ANO2: variants seen among roughly 807,000 people sequenced by gnomAD.
ANO2 encodes anoctamin 2.
In ANO2, 101 loss-of-function variants were observed where a neutral mutation model predicts 124.2. That is an observed-to-expected ratio of 0.81 (90% CI 0.69 to 0.96). The LOEUF (loss-of-function observed/expected upper bound fraction) is 0.96, where lower values mean the gene tolerates loss of function less well. Ranked by LOEUF, ANO2 falls within the 40% of genes least tolerant of loss-of-function variation. The probability of loss-of-function intolerance (pLI) is 0.00; values close to 1 mark genes in which losing one functional copy is unlikely to be tolerated. For synonymous variants in ANO2, 486 were observed against 482.5 expected (o/e 1.01, Z -0.09); for missense variants, 1,293 against 1,274.5 (o/e 1.01, Z -0.22).
rs1319682300 is a variant in ANO2 at position 5,900,225 on chromosome 12, A to T, written c.534+20815T>A. 6.6e-6 allele frequency among the ~76,000 whole-genome samples: 1 copy of T among 152,154 alleles called. No individual in the cohort carries two copies. The highest frequency in any genetic ancestry group is 1.5e-5 in the Non-Finnish European group (1 of 68,032). Reference sequence around the variant, plus strand: ...AAGAGCCCTGAGAGGATGGAGAGGCACCACTATGCCCAGCTTCATCTTCTA... The same window carrying T: ...AAGAGCCCTGAGAGGATGGAGAGGCTCCACTATGCCCAGCTTCATCTTCTA... On this transcript the variant is annotated intron_variant, in intron 3 of 24. Transcript: ENST00000682330. This position sits in a 1 kb window ranked among gnomAD's most constrained non-coding sequence, Gnocchi z 4.2.
At chr12:5,834,741 T>C (rs1432495957) in intron 4 of ANO2, among the ~76,000 whole-genome samples, 4 of 152,244 alleles carry the variant, frequency 2.6e-5, no homozygotes, top group Non-Finnish European at 5.9e-5. Context: ...CATTAAAGTA[T>C]ATTAACTAAA....
intron 7 of ANO2, among the ~76,000 whole-genome samples, chr12:5,820,488 C>G (rs1165736700): frequency 6.6e-6 from 1 of 152,108 alleles, no homozygotes; most frequent in Non-Finnish European, 1.5e-5. Context: ...TGGTCATTTC[C>G]CCAGTGCCAG....
At chr12:5,744,351 G>GGGGCCTTTATGGATGTGCATGAGCTCCA in intron 11 of ANO2, 34 bp from the exon 12 acceptor site, 4 of 1,612,158 alleles carry the variant, frequency 2.5e-6, no homozygotes, top group Non-Finnish European at 3.4e-6. Flanking sequence ...GTCAGGTGGA[G>GGGGCCTTTATGGATGTGCATGAGCTCCA]CTCAAGCATG....
At chr12:5,700,164 T>C (rs1949346122) in intron 14 of ANO2, among the ~76,000 whole-genome samples, 2 of 152,192 alleles carry the variant, frequency 1.3e-5, no homozygotes, top group East Asian at 3.9e-4. Context: ...ATTGTACTTA[T>C]TCCAAAATTG....
At chr12:5,770,843 T>C (rs1952056662) in intron 10 of ANO2, among the ~76,000 whole-genome samples, 1 of 152,088 alleles carries the variant, frequency 6.6e-6, no homozygotes, top group African/African-American at 2.4e-5. Flanking sequence ...CACCTTACCA[T>C]TCCTCAGACA....
At chr12:5,669,032 C>T (rs1309548669) in intron 14 of ANO2, among the ~76,000 whole-genome samples, 1 of 151,248 alleles carries the variant, frequency 6.6e-6, no homozygotes, top group Non-Finnish European at 1.5e-5. Context: ...TATACAAGCT[C>T]TTTTTTTAGT....
At position 5,772,539 on chromosome 12, in the gene ANO2, T is replaced by G. The variant is rs562378566; in HGVS notation, c.1056-21569A>C. Among the ~76,000 whole-genome samples, 101 of 152,366 alleles carry G rather than the reference T, an allele frequency of 6.6e-4. No individual in the cohort carries two copies. In the Middle Eastern group the frequency reaches 0.01, roughly 15 times the overall value. Reference sequence around the variant, plus strand: ...TTTTGTCTAATTTTTCGCTGTAATATGATGATAAATTTTAATCTAAGTTTT... The same window carrying G: ...TTTTGTCTAATTTTTCGCTGTAATAGGATGATAAATTTTAATCTAAGTTTT... On this transcript the variant is annotated intron_variant, in intron 10 of 24. Transcript: ENST00000682330.
intron 14 of ANO2, among the ~76,000 whole-genome samples, chr12:5,708,479 C>G (rs528484990): frequency 6.6e-5 from 10 of 152,342 alleles, no homozygotes; most frequent in African/African-American, 2.2e-4. Flanking sequence ...ACACTTCCTT[C>G]TACCATGAAG....
chr12:5,919,737 A>C (rs943588158), intron 3 of ANO2, among the ~76,000 whole-genome samples: 2 of 151,844 alleles, frequency 1.3e-5, no homozygotes, highest in Non-Finnish European at 2.9e-5. Flanking sequence ...TCGCTCTGTC[A>C]CGCAGGCTGG....
chr12:5,678,458 C>T (rs534119360), intron 14 of ANO2, among the ~76,000 whole-genome samples: 8 of 152,246 alleles, frequency 5.3e-5, no homozygotes, highest in South Asian at 2.1e-4. Context: ...GCCAAATTCT[C>T]GGCCTTCTCT....
intron 10 of ANO2, among the ~76,000 whole-genome samples, chr12:5,768,772 G>A (rs1292811816): frequency 6.6e-6 from 1 of 152,124 alleles, no homozygotes; most frequent in Non-Finnish European, 1.5e-5. Flanking sequence ...CCAACAGCAG[G>A]ACCCTGGCTG....
intron 1 of ANO2, among the ~76,000 whole-genome samples, chr12:5,942,413 A>G (rs1055545263): frequency 5.9e-5 from 9 of 152,256 alleles, no homozygotes; most frequent in African/African-American, 1.9e-4. Context: ...TATGTTGGGC[A>G]ATGTCTTACA....
chr12:5,832,481 G>A lies in ANO2; in HGVS notation c.756C>T (p.Ser252=), dbSNP rs574098516. 1 of 1,613,994 alleles carries A rather than the reference G, an allele frequency of 6.2e-7. No homozygotes were observed. The highest frequency in any genetic ancestry group is 1.3e-5 in the African/African-American group (1 of 75,042). Reference sequence around the variant, plus strand: ...ACATCTTCTCCCTGGAGAATGGGTAGGAGAGGTTTTTCATCTTGTTGTTGC... The same window carrying A: ...ACATCTTCTCCCTGGAGAATGGGTAAGAGAGGTTTTTCATCTTGTTGTTGC... The part of the protein sequence containing the change: ...EHSNNKMKNL[S]YPFSREKMYL... Residue 252 remains serine, a synonymous_variant, in exon 5 of 25, where the codon TCC becomes TCT. Coordinates refer to ENST00000682330, the MANE Select transcript of ANO2 (RefSeq NM_001364791.2).
In ANO2 at chr12:5,563,519, A is replaced by T; in HGVS notation, c.2777T>A (p.Ile926Asn). The T allele has an allele frequency of 6.2e-7, 1 of 1,613,920 alleles. No homozygotes were observed. The highest frequency in any genetic ancestry group is 8.5e-7 in the Non-Finnish European group (1 of 1,179,882). Reference protein sequence around the residue: ...SVLVDWMIPDIPTDISDQIKK... With the variant: ...SVLVDWMIPDNPTDISDQIKK... ...GATCTGGTCGCTGATGTCCGTGGGG[A>T]TGTCTGGAATCATCCAGTCCACGAG... Residue 926 changes from isoleucine to asparagine, a missense_variant, in exon 25 of 25, where the codon ATC (isoleucine) becomes AAC (asparagine). Physicochemically the swap from Ile to Asn is moderately radical, Grantham distance 149. Coordinates refer to ENST00000682330, the MANE Select transcript of ANO2 (RefSeq NM_001364791.2).
At chr12:5,796,660 TCA>T (rs1293728570) in intron 10 of ANO2, among the ~76,000 whole-genome samples, 1 of 152,172 alleles carries the variant, frequency 6.6e-6, no homozygotes, top group Non-Finnish European at 1.5e-5. Context: ...ATCAGCAGTC[TCA>T]CAGTGCAGCC....
At chr12:5,867,456 T>G (rs977368572) in intron 3 of ANO2, among the ~76,000 whole-genome samples, 1 of 152,210 alleles carries the variant, frequency 6.6e-6, no homozygotes, top group Non-Finnish European at 1.5e-5. Context: ...CATGCTTCGA[T>G]GTACTAGAAA....
Position 5,904,565 on chromosome 12 carries a change from G to A in ANO2, c.534+16475C>T, listed in dbSNP as rs949505473. On this transcript the variant is annotated intron_variant, in intron 3 of 24. Transcript: ENST00000682330. The surrounding 1 kb of genome is among the most constrained non-coding windows in gnomAD (Gnocchi z 4.1). ...GTTTATCCCAGTACTGCTTCCGGGG[G>A]CAGCTGACACTCCACATCGTCCTGT... Among the ~76,000 whole-genome samples the A allele has an allele frequency of 6.6e-6, 1 of 152,184 alleles. No individual in the cohort carries two copies. Among genetic ancestry groups the A allele is most frequent in the African/African-American group, 2.4e-5 (1 of 41,450 alleles).
At chr12:5,799,366 A>T (rs1189911917) in intron 10 of ANO2, 141 bp downstream of exon 10, 4 of 740,214 alleles carry the variant, frequency 5.4e-6, no homozygotes, top group Non-Finnish European at 8.9e-6. Context: ...CACCCATGAG[A>T]CACAGAGGAG....
At chr12:5,643,986 G>C (rs946181147) in intron 15 of ANO2, among the ~76,000 whole-genome samples, 5 of 152,096 alleles carry the variant, frequency 3.3e-5, no homozygotes, top group African/African-American at 1.2e-4. Context: ...TCTTCTCACA[G>C]AGTTTATTAG....
Sources: allele counts gnomAD v4.1 joint callset (sites outside exome capture counted in the v4.1 genomes callset), GRCh38; gene constraint gnomAD v4.1.1; non-coding constraint Gnocchi (gnomAD v3.1); transcripts MANE v1.5; gene names NCBI Gene and HGNC (gene_info 2026-07-23, HGNC 2026-07-21).